Variants in APP observed in about 807,000 individuals in gnomAD.
APP encodes the protein amyloid beta precursor protein.
Under a neutral mutation model 101.4 loss-of-function variants are expected in APP, and 31 were observed. That is an observed-to-expected ratio of 0.31 (90% CI 0.23 to 0.41). APP has a LOEUF of 0.41. Ranked by LOEUF, APP falls within the 10% of genes least tolerant of loss-of-function variation. The pLI is 1.00. For missense variants in APP, 839 were observed against 1,003.7 expected (o/e 0.84, Z 2.22); for synonymous variants, 366 against 364.4 (o/e 1.00, Z -0.05).
chr21:26,036,866 A>G (rs1324195085), intron 5 of APP, among the ~76,000 whole-genome samples: 3 of 152,316 alleles, frequency 2.0e-5, no homozygotes, highest in Non-Finnish European at 4.4e-5. Context: ...TCAGTATATT[A>G]AAAGAGGTAT....
At chr21:25,962,878 C>A (rs969539604) in intron 11 of APP, among the ~76,000 whole-genome samples, 4 of 152,122 alleles carry the variant, frequency 2.6e-5, no homozygotes, top group Non-Finnish European at 5.9e-5. Context: ...TGCACCTCCA[C>A]CTCAACTCAC....
At chr21:25,940,100 T>G (rs976167906) in intron 13 of APP, among the ~76,000 whole-genome samples, 1 of 152,136 alleles carries the variant, frequency 6.6e-6, no homozygotes, top group Non-Finnish European at 1.5e-5. Context: ...CAACATTACC[T>G]ACTGCAATTT....
chr21:26,087,164 G>C (rs1427394418), intron 3 of APP, among the ~76,000 whole-genome samples: 1 of 152,042 alleles, frequency 6.6e-6, no homozygotes, highest in Non-Finnish European at 1.5e-5. Context: ...TTATACTCTG[G>C]GCTTGAGACC....
intron 13 of APP, among the ~76,000 whole-genome samples, chr21:25,944,896 C>A (rs965536877): frequency 6.6e-6 from 1 of 152,174 alleles, no homozygotes; most frequent in Non-Finnish European, 1.5e-5. Context: ...GACTTCACTT[C>A]CCAATCATTT....
chr21:25,913,849 C>T (rs779480180), intron 13 of APP, among the ~76,000 whole-genome samples: 1 of 152,182 alleles, frequency 6.6e-6, no homozygotes, highest in Non-Finnish European at 1.5e-5. Context: ...CTTTCCATCT[C>T]TTTCTACAAT....
At chr21:25,897,405 C>T (rs1055900613) in intron 16 of APP, among the ~76,000 whole-genome samples, 168 bp downstream of exon 16, 2 of 152,172 alleles carry the variant, frequency 1.3e-5, no homozygotes, top group African/African-American at 2.4e-5. Flanking sequence ...TGAGCCACTG[C>T]GCTCAGCCTA....
In APP at chr21:25,964,606, C is replaced by CTTT. The variant is rs150904952; in HGVS notation, c.1459-8854_1459-8852dup. Among the ~76,000 whole-genome samples, 23 of 122,556 alleles carry CTTT rather than the reference C, an allele frequency of 1.9e-4. No homozygotes were observed. In the South Asian group the frequency reaches 4.5e-3, roughly 24 times the overall value. The allele number at this position is 122,556 out of a possible 152,430, so 80.4% of individuals were successfully genotyped here. On this transcript the variant is annotated intron_variant, in intron 11 of 17. Coordinates refer to ENST00000346798, the MANE Select transcript of APP (RefSeq NM_000484.4). Reference sequence around the variant, plus strand: ...ATCACTTAGTGACCTTTTTTCTTTTCTTTTTTTTTTTTTTTTTTCTGAGAC... The same window carrying CTTT: ...ATCACTTAGTGACCTTTTTTCTTTTCTTTTTTTTTTTTTTTTTTTTTCTGAGAC...
intron 1 of APP, among the ~76,000 whole-genome samples, chr21:26,112,687 C>A: frequency 6.6e-6 from 1 of 152,178 alleles, no homozygotes; most frequent in East Asian, 1.9e-4. Context: ...GTAGAATTCA[C>A]CATCCACAAA....
At chr21:25,936,242 T>C (rs2040359138) in intron 13 of APP, among the ~76,000 whole-genome samples, 1 of 150,132 alleles carries the variant, frequency 6.7e-6, no homozygotes, top group South Asian at 2.1e-4. Flanking sequence ...TCTGATCCAA[T>C]AGGACAGGTG....
At chr21:25,994,289 TAACTC>T (rs1346237502) in intron 8 of APP, among the ~76,000 whole-genome samples, 1 of 152,180 alleles carries the variant, frequency 6.6e-6, no homozygotes, top group Non-Finnish European at 1.5e-5. Flanking sequence ...TGTCAGAAAT[TAACTC>T]AGCTCTCGTA....
chr21:26,046,641 T>G (rs1028530328), intron 5 of APP, among the ~76,000 whole-genome samples: 1 of 152,064 alleles, frequency 6.6e-6, no homozygotes, highest in African/African-American at 2.4e-5. Context: ...CCTAAAAGAA[T>G]ACATCGATAA....
In APP at chr21:25,938,338, G is replaced by A. The variant is rs2040436340; in HGVS notation, c.1687+16252C>T. On this transcript the variant is annotated intron_variant, in intron 13 of 17. Coordinates refer to ENST00000346798, the MANE Select transcript of APP (RefSeq NM_000484.4). ...AGTTTATAGATGGGGACTGGGGGAA[G>A]CAGGGAGGATCTCTGCAATCCAGTA... is the stretch of plus-strand genomic sequence containing the variant. Among the ~76,000 whole-genome samples the A allele has an allele frequency of 2.0e-5, 3 of 152,108 alleles. No individual in the cohort carries two copies. In the South Asian group the frequency reaches 6.2e-4, roughly 31 times the overall value.
intron 2 of APP, among the ~76,000 whole-genome samples, chr21:26,090,548 T>C (rs2061801582): frequency 6.6e-6 from 1 of 152,184 alleles, no homozygotes; most frequent in Non-Finnish European, 1.5e-5. Flanking sequence ...TGTACTCATT[T>C]AGACTTAAAA....
At chr21:25,884,906 AC>A (rs2037226255) in intron 17 of APP, among the ~76,000 whole-genome samples, 3 of 152,150 alleles carry the variant, frequency 2.0e-5, no homozygotes, top group South Asian at 4.1e-4. Flanking sequence ...TCCTCTTCAA[AC>A]TCCAAAGCCT....
chr21:26,030,000 T>C (rs1300054279), intron 5 of APP, among the ~76,000 whole-genome samples: 1 of 152,168 alleles, frequency 6.6e-6, no homozygotes, highest in Non-Finnish European at 1.5e-5. Context: ...CGAGAAGCAC[T>C]AAAGCCCAGC....
chr21:26,123,159 A>G (rs1287765016), intron 1 of APP, among the ~76,000 whole-genome samples: 3 of 152,182 alleles, frequency 2.0e-5, no homozygotes, highest in Admixed American at 6.5e-5. Context: ...CTTATTTTTG[A>G]TAAGCACAAA....
rs993568847 is a variant in APP at position 26,170,466 on chromosome 21, C to A, written c.57+98G>T. 50 of 1,311,756 alleles carry A rather than the reference C, an allele frequency of 3.8e-5. 1 individual carries two copies. In the Admixed American group the frequency reaches 1.0e-3, roughly 27 times the overall value. 81.3% of individuals were successfully genotyped at this position (1,311,756 alleles called of 1,614,324 possible). A position where few individuals can be genotyped will look rare whatever the true frequency, so the allele number is the denominator to read the frequency against. On this transcript the variant is annotated intron_variant, in intron 1 of 17. Coordinates refer to ENST00000346798, the MANE Select transcript of APP (RefSeq NM_000484.4). ...GAGGAGAGGGGTCCCATTGACGGAC[C>A]CCCGGCTTCTCTGCATTAAAGACTT...
In APP at chr21:26,110,118, T is replaced by A. The variant is rs536925876; in HGVS notation, c.225+1861A>T. 2.0e-5 allele frequency among the ~76,000 whole-genome samples: 3 copies of A among 152,304 alleles called. No individual in the cohort carries two copies. In the East Asian group the frequency reaches 5.8e-4, roughly 29 times the overall value. Reference sequence around the variant, plus strand: ...AGCTGATTTATTATCAATCCATACTTAGTAAATCAGCACACAGAATGTTCT... The same window carrying A: ...AGCTGATTTATTATCAATCCATACTAAGTAAATCAGCACACAGAATGTTCT... On this transcript the variant is annotated intron_variant, in intron 2 of 17. Coordinates refer to ENST00000346798, the MANE Select transcript of APP (RefSeq NM_000484.4).
chr21:26,075,672 G>A (rs1012035494), intron 3 of APP, among the ~76,000 whole-genome samples: 16 of 152,180 alleles, frequency 1.1e-4, no homozygotes, highest in African/African-American at 2.7e-4. Flanking sequence ...AATGACATGT[G>A]CAGTACAAAT....
Sources: allele counts gnomAD v4.1 joint callset (sites outside exome capture counted in the v4.1 genomes callset), GRCh38; gene constraint gnomAD v4.1.1; transcripts MANE v1.5; gene names NCBI Gene and HGNC (gene_info 2026-07-23, HGNC 2026-07-21).